Variants in NOB1 observed in about 807,000 individuals in gnomAD.
NOB1 encodes RNA-binding protein NOB1.
In NOB1, 44 loss-of-function variants were observed where a neutral mutation model predicts 44.8. The ratio of observed to expected loss-of-function variants is 0.98; its 90% CI spans 0.77 to 1.26. The LOEUF is 1.26. NOB1 is among the 50% of genes most tolerant of loss of function. The pLI, the probability that NOB1 is intolerant of heterozygous loss-of-function variation, is 0.00. For missense variants in NOB1, 560 were observed against 544.8 expected, an observed-to-expected ratio of 1.03 and a Z score of -0.28; for synonymous variants, 238 against 218.7, an observed-to-expected ratio of 1.09 and a Z score of -0.78.
chr16:69,752,967 C>T (rs891853382), intron 2 of NOB1, among the ~76,000 whole-genome samples: 2 of 151,672 alleles, frequency 1.3e-5, no homozygotes, highest in African/African-American at 4.8e-5. Context: ...CGTGGTGGCT[C>T]ACACCTCACT....
In NOB1 at chr16:69,744,873, C is replaced by A. The variant is rs776146294; in HGVS notation, c.969G>T (p.Arg323=). 6.2e-7 allele frequency: 1 copy of A among 1,612,442 alleles called. No homozygotes were observed. The highest frequency in any genetic ancestry group is 8.5e-7 in the Non-Finnish European group (1 of 1,179,792). ...GGGGACTGGGAGAGGCGCCACTCAC[C>A]CGGAGGCCGCGGGGGTTCAGCACCT... ...NPKVLNPRGL[R]YSLPTPKGGK... Residue 323 remains arginine, a splice_region_variant and synonymous_variant, in exon 8 of 9, where the codon CGG becomes CGT. Coordinates refer to ENST00000268802, the MANE Select transcript of NOB1 (RefSeq NM_014062.3).
intron 8 of NOB1, 81 bp downstream of exon 8, chr16:69,744,792 C>CGACTA: frequency 6.7e-7 from 1 of 1,489,568 alleles, no homozygotes; most frequent in Non-Finnish European, 9.1e-7. Context: ...CTTGCAGAAA[C>CGACTA]GACTAGACTA....
intron 7 of NOB1, among the ~76,000 whole-genome samples, chr16:69,745,685 T>C (rs1038459971): frequency 8.5e-5 from 13 of 152,224 alleles, no homozygotes; most frequent in African/African-American, 3.1e-4. Context: ...AGGAGAAAGC[T>C]GCTGCTATCA....
chr16:69,748,820 A>C (rs552575007), intron 6 of NOB1, 98 bp downstream of exon 6: 41 of 1,127,308 alleles, frequency 3.6e-5, no homozygotes, highest in African/African-American at 7.8e-5. Context: ...CCAGGAAAAG[A>C]AGCGCTGCAC....
intron 2 of NOB1, among the ~76,000 whole-genome samples, chr16:69,753,005 T>C (rs1021444293): frequency 1.8e-4 from 27 of 151,936 alleles, no homozygotes; most frequent in African/African-American, 5.3e-4. Context: ...GTAGATCACT[T>C]GAGGTCAGGA....
chr16:69,749,684 G>A, intron 3 of NOB1, 54 bp from the exon 4 acceptor site: 3 of 1,206,670 alleles, frequency 2.5e-6, no homozygotes, highest in Non-Finnish European at 3.4e-6. Context: ...AAGATATCCA[G>A]TTTTTTTTTT....
chr16:69,749,213 C>G lies in NOB1; in HGVS notation c.525G>C (p.Leu175=). The change falls in exon 5 of 9, where the codon CTG becomes CTC. Residue 175 remains leucine (L), a splice_region_variant and synonymous_variant. Coordinates refer to ENST00000268802, the MANE Select transcript of NOB1 (RefSeq NM_014062.3). ...PNIDHELQEL[L]IDRGEDVPSE... is the part of the protein sequence containing the mutation. The stretch of plus-strand genomic sequence containing the variant: ...AGAAGACCAAAAGTCAAGGCCTCAC[C>G]AGCAGCTCCTGCAGTTCATGATCGA... 6.2e-7 allele frequency: 1 copy of G among 1,612,946 alleles called. No individual in the cohort carries two copies. Among genetic ancestry groups the G allele is most frequent in the Non-Finnish European group, 8.5e-7 (1 of 1,179,430 alleles).
chr16:69,745,396 C>T (rs978927168), intron 7 of NOB1, among the ~76,000 whole-genome samples: 1 of 152,166 alleles, frequency 6.6e-6, no homozygotes, highest in Non-Finnish European at 1.5e-5. Context: ...TCAAGGTCAC[C>T]CAGCTGGTCC....
Position 69,752,801 on chromosome 16 carries a change from C to CG in NOB1, c.197-431dup, listed in dbSNP as rs111271634. On this transcript the variant is annotated intron_variant, in intron 2 of 8. Coordinates refer to ENST00000268802, the MANE Select transcript of NOB1 (RefSeq NM_014062.3). ...TACAAAAATTATCCCGGTGTGGTAG[C>CG]GGGGGGGCCTGTAATCCCAGCTACT... Among the ~76,000 whole-genome samples the CG allele has an allele frequency of 9.3e-4, 141 of 151,642 alleles. 1 individual carries two copies. Among genetic ancestry groups the CG allele is most frequent in the South Asian group, 9.0e-3 (43 of 4,804 alleles).
chr16:69,743,686 G>C (rs1221627237), intron 8 of NOB1, among the ~76,000 whole-genome samples: 1 of 152,152 alleles, frequency 6.6e-6, no homozygotes, highest in African/African-American at 2.4e-5. Context: ...ACAAAAGACT[G>C]AAAGGACCCC....
chr16:69,745,066 A>T, intron 7 of NOB1, 49 bp from the exon 8 acceptor site: 1 of 1,604,914 alleles, frequency 6.2e-7, no homozygotes, highest in Non-Finnish European at 8.5e-7. Flanking sequence ...CAGGCAGCAA[A>T]CGCCTCCCCA....
At chr16:69,748,625 T>A (rs942348872) in intron 6 of NOB1, 7 of 529,668 alleles carry the variant, frequency 1.3e-5, no homozygotes, top group African/African-American at 5.7e-5. Context: ...GAAAACCCTC[T>A]CTCCCTGTGT....
rs2038457847 is a variant in NOB1, at chr16:69,748,973, C to G, written c.671G>C (p.Cys224Ser). ...IKQIQQELEQ[C>S]DVPEDVRVGC... ...AACCCGCACGTCCTCGGGGACGTCACACTGCTCCAGCTCCTGCTGGATCTG... is the reference window on the plus strand; with the variant it reads ...AACCCGCACGTCCTCGGGGACGTCAGACTGCTCCAGCTCCTGCTGGATCTG... The change falls in exon 6 of 9, where the codon TGT (cysteine) becomes TCT (serine). Residue 224 changes from cysteine (C) to serine (S), a missense_variant. Coordinates refer to ENST00000268802, the MANE Select transcript of NOB1 (RefSeq NM_014062.3). The G allele has an allele frequency of 1.9e-6, 3 of 1,614,130 alleles. No homozygotes were observed. Among genetic ancestry groups the G allele is most frequent in the Non-Finnish European group, 1.7e-6 (2 of 1,179,972 alleles).
rs773108247 is a variant in NOB1, at chr16:69,752,348, C to T, written c.220G>A (p.Gly74Arg). The change falls in exon 3 of 9, where the codon GGA (glycine) becomes AGA (arginine). Residue 74 changes from glycine (G) to arginine (R), a missense_variant. Gly to Arg is a moderately radical substitution (Grantham distance 125, BLOSUM62 -2). Coordinates refer to ENST00000268802, the MANE Select transcript of NOB1 (RefSeq NM_014062.3). ...GTGGCAGAGAGGCTGGGGTAGTCTCCTGTTTTCTTTGAAAACTCAGTCACT... is the reference window on the plus strand; with the variant it reads ...GTGGCAGAGAGGCTGGGGTAGTCTCTTGTTTTCTTTGAAAACTCAGTCACT... ...RLVTEFSKKT[G>R]DYPSLSATDI... 12 of 1,613,252 alleles carry T rather than the reference C, an allele frequency of 7.4e-6. No individual in the cohort carries two copies. The highest frequency in any genetic ancestry group is 7.6e-6 in the Non-Finnish European group (9 of 1,179,256).
rs112207168 is a variant in NOB1 at position 69,749,746 on chromosome 16, G to A, written c.328-116C>T. 6.3e-4 allele frequency: 447 copies of A among 704,404 alleles called. 4 individuals carry two copies. In the African/African-American group the frequency reaches 6.9e-3, roughly 11 times the overall value. 43.6% of individuals were successfully genotyped at this position (704,404 alleles called of 1,614,324 possible). On this transcript the variant is annotated intron_variant, in intron 3 of 8. Coordinates refer to ENST00000268802, the MANE Select transcript of NOB1 (RefSeq NM_014062.3). ...TAATCCCAGCACTTTAGGAGGCCGA[G>A]GTGGGCGGATCACCCAAGGTCAGGA...
At chr16:69,742,927 G>A (rs1465821358) in intron 8 of NOB1, among the ~76,000 whole-genome samples, 2 of 152,072 alleles carry the variant, frequency 1.3e-5, no homozygotes, top group African/African-American at 2.4e-5. Context: ...TAGCCAAGAC[G>A]CAATGACACT....
At chr16:69,749,522 A>T in intron 4 of NOB1, 37 bp downstream of exon 4, 1 of 1,586,506 alleles carries the variant, frequency 6.3e-7, no homozygotes, top group Non-Finnish European at 8.6e-7. Flanking sequence ...ATGTTTCAGA[A>T]AAGAGCATGA....
chr16:69,748,116 G>C (rs1254413415), intron 7 of NOB1, 116 bp downstream of exon 7: 2 of 706,334 alleles, frequency 2.8e-6, no homozygotes, highest in African/African-American at 1.8e-5. Flanking sequence ...AGTGAGCTGA[G>C]ATTGTACCAC....
intron 7 of NOB1, among the ~76,000 whole-genome samples, chr16:69,747,791 A>T (rs1185715635): frequency 1.3e-5 from 2 of 152,156 alleles, no homozygotes; most frequent in African/African-American, 4.8e-5. Flanking sequence ...GACGGAACCC[A>T]GGCCCCAGAG....
Sources: allele counts gnomAD v4.1 joint callset (sites outside exome capture counted in the v4.1 genomes callset), GRCh38; gene constraint gnomAD v4.1.1; transcripts MANE v1.5; gene names NCBI Gene and HGNC (gene_info 2026-07-23, HGNC 2026-07-21).